ZNF704: variants seen among roughly 807,000 people sequenced by gnomAD.
ZNF704 encodes the protein glucocorticoid induced gene 1.
ZNF704 carries 10 observed loss-of-function variants against 44.7 expected under a neutral mutation model. The ratio of observed to expected loss-of-function variants is 0.22; its 90% confidence interval spans 0.14 to 0.38. ZNF704 has a LOEUF of 0.38. Among genes scored for constraint, ZNF704 ranks in the 10% least tolerant of loss-of-function variants. The pLI is 1.00. For synonymous variants in ZNF704, 211 were observed against 207.6 expected, an observed-to-expected ratio of 1.02 and a Z score of -0.14; for missense variants, 390 against 545.5, an observed-to-expected ratio of 0.71 and a Z score of 2.84.
At chr8:80,878,501 T>C (rs1809388644), upstream of ZNF704, among the ~76,000 whole-genome samples, 1 of 152,224 alleles carries the variant, frequency 6.6e-6, no homozygotes, top group Non-Finnish European at 1.5e-5. Flanking sequence ...TTGAGATTAG[T>C]AGCTCCTTTT....
intron 2 of ZNF704, among the ~76,000 whole-genome samples, chr8:80,745,755 A>G (rs529180037): frequency 4.6e-5 from 7 of 152,242 alleles, no homozygotes; most frequent in Non-Finnish European, 1.0e-4. Context: ...AATGCACATG[A>G]GCATGACCAA....
At chr8:80,654,201 A>C (rs113110853) in intron 7 of ZNF704, among the ~76,000 whole-genome samples, 23,024 of 151,938 alleles carry the variant, frequency 0.15, 3,281 homozygotes, top group African/African-American at 0.38. Context: ...AAGATGGATT[A>C]AAGACTTAAA....
At chr8:80,679,670 G>T (rs1370680355) in intron 4 of ZNF704, among the ~76,000 whole-genome samples, 1 of 152,178 alleles carries the variant, frequency 6.6e-6, no homozygotes, top group Non-Finnish European at 1.5e-5. Flanking sequence ...TCTTCTTCAT[G>T]TAAAGCAAAG....
intron 1 of ZNF704, among the ~76,000 whole-genome samples, chr8:80,870,093 T>C (rs759646215): frequency 3.1e-4 from 47 of 152,316 alleles, no homozygotes; most frequent in Admixed American, 9.8e-4. Flanking sequence ...AGCACCCTGA[T>C]TGCAGCCTTG....
At chr8:80,708,245 G>A (rs77097496) in intron 2 of ZNF704, among the ~76,000 whole-genome samples, 2 of 152,112 alleles carry the variant, frequency 1.3e-5, no homozygotes, top group Admixed American at 1.3e-4. Context: ...ACCTAGATAC[G>A]TATACTCCGT....
At chr8:80,815,381 C>A (rs573027383) in intron 2 of ZNF704, among the ~76,000 whole-genome samples, 1 of 152,270 alleles carries the variant, frequency 6.6e-6, no homozygotes, top group Admixed American at 6.5e-5. Context: ...TACTACTTTG[C>A]ATAATCAAAT....
upstream of ZNF704, chr8:80,874,930 G>A (rs1331806068): frequency 6.6e-6 from 1 of 150,546 alleles, no homozygotes; most frequent in East Asian, 2.0e-4. This position sits in a 1 kb window ranked among gnomAD's most constrained non-coding sequence, Gnocchi z 4.4. Flanking sequence ...CCCTGCGATT[G>A]AGCTGCCTTG....
intron 2 of ZNF704, among the ~76,000 whole-genome samples, chr8:80,720,260 T>C (rs1270779948): frequency 6.6e-6 from 1 of 152,206 alleles, no homozygotes; most frequent in Non-Finnish European, 1.5e-5. Flanking sequence ...TTGGAAGTCA[T>C]CCCTAAGGCT....
chr8:80,702,374 T>C (rs2131645697), intron 2 of ZNF704, among the ~76,000 whole-genome samples: 1 of 152,296 alleles, frequency 6.6e-6, no homozygotes, highest in Non-Finnish European at 1.5e-5. Flanking sequence ...CAAAAGTCTA[T>C]CAAGCAGCAA....
At chr8:80,762,907 G>C (rs999722569) in intron 2 of ZNF704, among the ~76,000 whole-genome samples, 1 of 152,162 alleles carries the variant, frequency 6.6e-6, no homozygotes, top group African/African-American at 2.4e-5. Context: ...AAAACACAGG[G>C]GCTATAGGCC....
chr8:80,770,386 A>G (rs1807300627), intron 2 of ZNF704, among the ~76,000 whole-genome samples: 1 of 152,160 alleles, frequency 6.6e-6, no homozygotes, highest in South Asian at 2.1e-4. Context: ...TGATAGTTTT[A>G]ATAGATATGT....
chr8:80,702,888 T>C (rs1194554118), intron 2 of ZNF704, among the ~76,000 whole-genome samples: 2 of 151,920 alleles, frequency 1.3e-5, no homozygotes, highest in East Asian at 1.9e-4. Flanking sequence ...GAGAGAAAAG[T>C]TGTGGCCAGG....
intron 2 of ZNF704, among the ~76,000 whole-genome samples, chr8:80,770,850 C>T (rs561549896): frequency 6.6e-6 from 1 of 152,176 alleles, no homozygotes; most frequent in South Asian, 2.1e-4. Context: ...GTTCATGATC[C>T]ATTTCAAGTT....
At chr8:80,754,460 A>G (rs542561260) in intron 2 of ZNF704, among the ~76,000 whole-genome samples, 1 of 152,334 alleles carries the variant, frequency 6.6e-6, no homozygotes, top group Admixed American at 6.5e-5. Flanking sequence ...AACCCTCCAC[A>G]AAATTTCTTA....
chr8:80,821,003 C>T (rs934439239), intron 2 of ZNF704, among the ~76,000 whole-genome samples: 4 of 152,158 alleles, frequency 2.6e-5, no homozygotes, highest in African/African-American at 7.2e-5. Flanking sequence ...AGTTTACCAA[C>T]CTCTGACCAA....
intron 7 of ZNF704, chr8:80,658,821 T>C (rs927270695): frequency 2.0e-5 from 3 of 152,198 alleles, no homozygotes; most frequent in African/African-American, 7.2e-5. Flanking sequence ...TAAGAAGCTT[T>C]TGTGAGGTCC....
chr8:80,776,057 A>C (rs1365129695), intron 2 of ZNF704, among the ~76,000 whole-genome samples: 1 of 152,170 alleles, frequency 6.6e-6, no homozygotes, highest in Non-Finnish European at 1.5e-5. Context: ...TAATAGCTGC[A>C]TGATAGTCCT....
In ZNF704 at chr8:80,670,459, C is replaced by A. The variant is rs368960023; in HGVS notation, c.659+44G>T. 1.0e-5 allele frequency: 15 copies of A among 1,453,700 alleles called. No individual in the cohort carries two copies. In the African/African-American group the frequency reaches 2.0e-4, roughly 19 times the overall value. 90.1% of individuals were successfully genotyped at this position (1,453,700 alleles called of 1,614,324 possible). ...ATTTCTGAGTGCGGGTGGCCCTAGA[C>A]TGAGCAGATGGGGGCTGCATCCCTG... On this transcript the variant is annotated intron_variant, in intron 5 of 8. Transcript: ENST00000327835.
intron 2 of ZNF704, among the ~76,000 whole-genome samples, chr8:80,785,730 T>C (rs552073110): frequency 9.8e-5 from 15 of 152,316 alleles, no homozygotes; most frequent in African/African-American, 3.4e-4. Flanking sequence ...TTCTGCTTTC[T>C]GGTATTATAA....
Sources: gnomAD v4.1 joint callset for allele counts (sites outside exome capture counted in the v4.1 genomes callset) on GRCh38, gnomAD v4.1.1 for gene constraint, Gnocchi (gnomAD v3.1) non-coding constraint, MANE v1.5 for transcripts, NCBI Gene and HGNC (gene_info 2026-07-23, HGNC 2026-07-21) for gene names.